Variants in BIN3 observed in about 807,000 individuals in gnomAD.
BIN3 encodes bridging integrator 3.
In BIN3, 41 loss-of-function variants were observed where a neutral mutation model predicts 38.2. The ratio of observed to expected loss-of-function variants is 1.07; its 90% confidence interval spans 0.84 to 1.39. The LOEUF is 1.39. BIN3 is among the 40% of genes most tolerant of loss of function. The pLI is 0.00. For synonymous variants in BIN3, 145 were observed against 122.6 expected, an observed-to-expected ratio of 1.18 and a Z score of -1.21; for missense variants, 361 against 324.3, an observed-to-expected ratio of 1.11 and a Z score of -0.87.
chr8:22,647,264 C>A (rs1057091729), intron 1 of BIN3, among the ~76,000 whole-genome samples: 1 of 152,176 alleles, frequency 6.6e-6, no homozygotes, highest in Admixed American at 6.5e-5. Context: ...GAATCAGAAA[C>A]GTAGATTCCA....
chr8:22,645,331 A>G (rs889855142), intron 1 of BIN3, among the ~76,000 whole-genome samples: 14 of 151,894 alleles, frequency 9.2e-5, no homozygotes, highest in Non-Finnish European at 1.9e-4. Flanking sequence ...AACCACCAAA[A>G]ATTAGCCGGG....
chr8:22,634,468 A>G, intron 4 of BIN3: 1 of 456,254 alleles, frequency 2.2e-6, no homozygotes, highest in Non-Finnish European at 4.4e-6. Context: ...TCCTTTTGTG[A>G]TCAGTGCTTT....
chr8:22,620,730 T>C lies in BIN3; in HGVS notation c.*692A>G, dbSNP rs1362225961. 2 of 152,174 alleles carry C rather than the reference T, an allele frequency of 1.3e-5. No individual in the cohort carries two copies. Among genetic ancestry groups the C allele is most frequent in the Non-Finnish European group, 2.9e-5 (2 of 68,038 alleles). The allele number at this position is 152,174 out of a possible 1,614,324, so 9.4% of individuals were successfully genotyped here. A position where few individuals can be genotyped will look rare whatever the true frequency, so the allele number is the denominator to read the frequency against. On this transcript the variant is annotated 3_prime_UTR_variant, in exon 9 of 9. Transcript: ENST00000276416. ...ACTATGTGGACGTTTCATTGAAAAT[T>C]TTACTTGAAAAAATAAAATTCCAGA...
At chr8:22,630,637 C>T (rs1390049673) in intron 4 of BIN3, 59 bp from the exon 5 acceptor site, 8 of 1,594,828 alleles carry the variant, frequency 5.0e-6, no homozygotes, top group South Asian at 4.5e-5. Flanking sequence ...ACGGCCTTCT[C>T]TCCAGGACCC....
At chr8:22,635,131 C>G (rs954453004) in intron 4 of BIN3, among the ~76,000 whole-genome samples, 4 of 152,196 alleles carry the variant, frequency 2.6e-5, no homozygotes, top group Non-Finnish European at 5.9e-5. Flanking sequence ...AGGCCCTCTT[C>G]CCTTGGCTCT....
intron 4 of BIN3, among the ~76,000 whole-genome samples, chr8:22,633,689 C>G (rs999561500): frequency 5.3e-5 from 8 of 152,250 alleles, no homozygotes; most frequent in African/African-American, 1.9e-4. Flanking sequence ...GTGGAGCTCA[C>G]AGTGTGGGCC....
chr8:22,624,863 G>C (rs10091493), intron 6 of BIN3: 8,159 of 196,984 alleles, frequency 0.041, 235 homozygotes, highest in African/African-American at 0.073. Context: ...GTCACGATGA[G>C]GCAGAGAAGG....
At chr8:22,626,932 G>T (rs1189459354) in intron 6 of BIN3, among the ~76,000 whole-genome samples, 1 of 152,198 alleles carries the variant, frequency 6.6e-6, no homozygotes, top group Non-Finnish European at 1.5e-5. Context: ...TGCCGAGCGG[G>T]GGTGAGGGAG....
At chr8:22,634,330 C>T (rs1431353892) in intron 4 of BIN3, 16 of 369,184 alleles carry the variant, frequency 4.3e-5, no homozygotes, top group African/African-American at 2.5e-4. Context: ...GACCAGCCCA[C>T]GGCCCAGGAA....
chr8:22,628,971 G>C (rs919750911), intron 6 of BIN3, among the ~76,000 whole-genome samples: 1 of 152,242 alleles, frequency 6.6e-6, no homozygotes, highest in African/African-American at 2.4e-5. Context: ...TGGGGGGCCA[G>C]GGCCGGAGCC....
intron 2 of BIN3, among the ~76,000 whole-genome samples, chr8:22,642,915 G>A (rs920337226): frequency 2.0e-5 from 3 of 152,174 alleles, no homozygotes; most frequent in Non-Finnish European, 4.4e-5. Flanking sequence ...AGGGAAGAGG[G>A]ATGCCCTGTG....
intron 6 of BIN3, among the ~76,000 whole-genome samples, chr8:22,627,803 C>T (rs1563946696): frequency 6.6e-6 from 1 of 152,224 alleles, no homozygotes; most frequent in Non-Finnish European, 1.5e-5. Context: ...GGTCAGACAG[C>T]CCACCGAGCA....
intron 1 of BIN3, among the ~76,000 whole-genome samples, chr8:22,656,448 C>T (rs549398409): frequency 6.6e-6 from 1 of 152,168 alleles, no homozygotes; most frequent in East Asian, 1.9e-4. Flanking sequence ...ATTTATATAG[C>T]CTAAGAAATT....
intron 1 of BIN3, among the ~76,000 whole-genome samples, chr8:22,667,891 C>T (rs1295330301): frequency 6.6e-6 from 1 of 152,194 alleles, no homozygotes; most frequent in African/African-American, 2.4e-5. Context: ...CAGCTGCTTG[C>T]GTTCTCCACT....
At position 22,621,078 on chromosome 8, in the gene BIN3, C is replaced by T. The variant is rs7000993; in HGVS notation, c.*344G>A. On this transcript the variant is annotated 3_prime_UTR_variant, in exon 9 of 9. Coordinates refer to ENST00000276416, the MANE Select transcript of BIN3 (RefSeq NM_018688.6). ...GGAGGTAGATTTGATGCCCACAACG[C>T]ATGCAAGGCTAAGACCCCCAACTTA... 4,765 of 234,122 alleles carry T rather than the reference C, an allele frequency of 0.02. 235 individuals are homozygous for T. The highest frequency in any genetic ancestry group is 0.099 in the African/African-American group (4,346 of 43,832). The allele number at this position is 234,122 out of a possible 1,614,324, so 14.5% of individuals were successfully genotyped here.
chr8:22,656,258 A>T (rs1803054885), intron 1 of BIN3, among the ~76,000 whole-genome samples: 1 of 138,996 alleles, frequency 7.2e-6, no homozygotes, highest in Admixed American at 7.5e-5. Context: ...TCTCCTCTAC[A>T]TTTATTTCGT....
intron 4 of BIN3, among the ~76,000 whole-genome samples, chr8:22,636,160 C>T (rs148163179): frequency 1.3e-5 from 2 of 152,210 alleles, no homozygotes; most frequent in African/African-American, 4.8e-5. Context: ...CAGCAGGCCA[C>T]GGAGTCTCGT....
chr8:22,636,939 C>T lies in BIN3; in HGVS notation c.81G>A (p.Glu27=), dbSNP rs1434765675. The change falls in exon 3 of 9, where the codon GAG becomes GAA. Residue 27 remains glutamate, a synonymous_variant. Coordinates refer to ENST00000276416, the MANE Select transcript of BIN3 (RefSeq NM_018688.6). ...ACACTCACTGCTGAAGTTTTCCATACTCCCTTTCAAAGTCTCTCTCCACCT... is the reference window on the plus strand; with the variant it reads ...ACACTCACTGCTGAAGTTTTCCATATTCCCTTTCAAAGTCTCTCTCCACCT... The part of the protein sequence containing the change: ...PKTVERDFER[E]YGKLQQLEEQ... The T allele has an allele frequency of 1.2e-6, 2 of 1,613,304 alleles. No homozygotes were observed. Among genetic ancestry groups the T allele is most frequent in the African/African-American group, 1.3e-5 (1 of 75,036 alleles).
At chr8:22,660,284 A>G (rs1803191762) in intron 1 of BIN3, among the ~76,000 whole-genome samples, 1 of 152,282 alleles carries the variant, frequency 6.6e-6, no homozygotes, top group Non-Finnish European at 1.5e-5. Context: ...AAGAAGGGGT[A>G]GAAAATGGGT....
Sources: allele counts gnomAD v4.1 joint callset (sites outside exome capture counted in the v4.1 genomes callset), GRCh38; gene constraint gnomAD v4.1.1; transcripts MANE v1.5; gene names NCBI Gene and HGNC (gene_info 2026-07-23, HGNC 2026-07-21).